The following H3-7 variants were observed in gnomAD, a reference collection of about 807,000 sequenced individuals.
The protein encoded by H3-7 is histone H3-7.
At chr1:143,904,437 G>A in the H3-7 span, 2 of 1,583,838 alleles carry the variant, frequency 1.3e-6, no homozygotes, top group Non-Finnish European at 1.7e-6. Flanking sequence ...GGTCTTGGAC[G>A]AGATGCCGGT....
the H3-7 span, among the ~76,000 whole-genome samples, chr1:143,903,179 G>A: frequency 1.5e-5 from 2 of 137,132 alleles, no homozygotes; most frequent in Non-Finnish European, 3.2e-5. Flanking sequence ...GCGACAGAGC[G>A]AGACTCCGTC....
the H3-7 span, among the ~76,000 whole-genome samples, chr1:143,903,975 G>A: frequency 6.9e-6 from 1 of 145,888 alleles, no homozygotes; most frequent in African/African-American, 2.5e-5. Context: ...TTCTAATCTC[G>A]TAGCACAGAT....
At chr1:143,904,898 GGTT>G in the H3-7 span, among the ~76,000 whole-genome samples, 1 of 141,604 alleles carries the variant, frequency 7.1e-6, no homozygotes, top group East Asian at 2.1e-4. Flanking sequence ...AACGGCTTGA[GGTT>G]TTTTTCTTGG....
the H3-7 span, chr1:143,905,703 C>G: frequency 6.3e-6 from 10 of 1,582,680 alleles, no homozygotes; most frequent in East Asian, 6.8e-5. Context: ...CCATCACGGC[C>G]GAGCTCTGGA....
chr1:143,905,739 C>A, the H3-7 span: 3 of 1,581,612 alleles, frequency 1.9e-6, 1 homozygote, highest in South Asian at 3.4e-5. Flanking sequence ...TAAACTCCTG[C>A]GCGATCTCGC....
chr1:143,904,028 A>G, the H3-7 span, among the ~76,000 whole-genome samples: 1 of 144,890 alleles, frequency 6.9e-6, no homozygotes, highest in Admixed American at 7.0e-5. Context: ...ACTGAGGGCC[A>G]ACTCATTACA....
chr1:143,905,529 T>C, the H3-7 span: 1 of 1,511,164 alleles, frequency 6.6e-7, no homozygotes, highest in Admixed American at 1.7e-5. Flanking sequence ...GAAAAGAGCC[T>C]TTAGATCGAC....
the H3-7 span, chr1:143,904,373 C>A: frequency 6.3e-7 from 1 of 1,582,770 alleles, no homozygotes; most frequent in Non-Finnish European, 8.7e-7. Flanking sequence ...GGCGGGACGC[C>A]TCTCCCGCGA....
At chr1:143,904,797 C>T in the H3-7 span, 3 of 595,766 alleles carry the variant, frequency 5.0e-6, no homozygotes, top group Non-Finnish European at 8.9e-6. Context: ...GTCTTGCTTC[C>T]TTAATGGTCA....
chr1:143,903,262 C>T, the H3-7 span, among the ~76,000 whole-genome samples: 1 of 113,774 alleles, frequency 8.8e-6, no homozygotes, highest in African/African-American at 3.3e-5. Context: ...AGACAGGGTT[C>T]TTGTCCTGGA....
At chr1:143,905,519 G>T in the H3-7 span, 2 of 1,447,812 alleles carry the variant, frequency 1.4e-6, 1 homozygote, top group Non-Finnish European at 1.9e-6. Flanking sequence ...CAGTGGCTCT[G>T]AAAAGAGCCT....
chr1:143,905,813 T>C, the H3-7 span: 1 of 1,582,162 alleles, frequency 6.3e-7, no homozygotes. Context: ...TAGCGCCGGA[T>C]CTCCCGCAGA....
chr1:143,905,733 C>T, the H3-7 span: 1 of 1,578,484 alleles, frequency 6.3e-7, no homozygotes, highest in Non-Finnish European at 8.7e-7. Context: ...CCGTCTTAAA[C>T]TCCTGCGCGA....
chr1:143,903,840 C>A, the H3-7 span, among the ~76,000 whole-genome samples: 1 of 133,506 alleles, frequency 7.5e-6, no homozygotes, highest in Non-Finnish European at 1.6e-5. Context: ...TCATCTCGTT[C>A]ATTACTTTCA....
the H3-7 span, chr1:143,905,845 C>T: frequency 2.5e-5 from 40 of 1,581,776 alleles, 4 homozygotes; most frequent in Non-Finnish European, 3.5e-5. Flanking sequence ...GGGCCGGTAG[C>T]GGTGCGGCTT....
At chr1:143,903,901 T>A in the H3-7 span, among the ~76,000 whole-genome samples, 2 of 143,984 alleles carry the variant, frequency 1.4e-5, 1 homozygote, top group Admixed American at 1.4e-4. Context: ...GCTGAAGGGG[T>A]GTAGAACCAC....
At chr1:143,903,191 C>CAA in the H3-7 span, among the ~76,000 whole-genome samples, 36 of 60,392 alleles carry the variant, frequency 6.0e-4, no homozygotes, top group African/African-American at 1.5e-3. Flanking sequence ...GACTCCGTCT[C>CAA]AAAAAAAAAA....
the H3-7 span, among the ~76,000 whole-genome samples, chr1:143,904,934 C>T: frequency 7.4e-6 from 1 of 135,050 alleles, no homozygotes; most frequent in Non-Finnish European, 1.6e-5. Flanking sequence ...ATTAGACTTG[C>T]ATACGGAAGA....
At chr1:143,904,455 T>A in the H3-7 span, 1 of 1,592,460 alleles carries the variant, frequency 6.3e-7, no homozygotes, top group Admixed American at 1.7e-5. Flanking sequence ...GGTGTCGGGG[T>A]GGACCTGCTT....
Sources: gnomAD v4.1 joint callset for allele counts (sites outside exome capture counted in the v4.1 genomes callset) on GRCh38, gnomAD v4.1.1 for gene constraint, MANE v1.5 for transcripts, NCBI Gene and HGNC (gene_info 2026-07-23, HGNC 2026-07-21) for gene names.